Variants in FAM184B observed in about 807,000 individuals in gnomAD.
FAM184B encodes the protein protein FAM184B.
FAM184B carries 111 observed loss-of-function variants against 135.9 expected under a neutral mutation model. The observed-to-expected ratio is 0.82, with a 90% CI of 0.70 to 0.96. The LOEUF is 0.96. Ranked by LOEUF, FAM184B falls within the 40% of genes least tolerant of loss-of-function variation. FAM184B has a pLI of 0.00. For synonymous variants in FAM184B, 552 were observed against 524.8 expected (o/e 1.05, Z -0.71); for missense variants, 1,375 against 1,323.9 (o/e 1.04, Z -0.60).
chr4:17,675,931 A>T (rs1014127431), intron 7 of FAM184B, among the ~76,000 whole-genome samples: 2 of 152,198 alleles, frequency 1.3e-5, no homozygotes, highest in Admixed American at 1.3e-4. Flanking sequence ...TATCTAGACA[A>T]CTAAAACTTT....
intron 1 of FAM184B, among the ~76,000 whole-genome samples, chr4:17,752,597 G>A (rs1014210259): frequency 7.2e-5 from 11 of 152,182 alleles, no homozygotes; most frequent in Non-Finnish European, 5.9e-5. Flanking sequence ...CATGGACCGT[G>A]AGGGCAGAAG....
At chr4:17,676,413 TAATAAG>T (rs1376328409) in intron 7 of FAM184B, among the ~76,000 whole-genome samples, 2 of 152,208 alleles carry the variant, frequency 1.3e-5, no homozygotes, top group African/African-American at 2.4e-5. Context: ...TTATCAGATA[TAATAAG>T]AATAACAAAT....
intron 5 of FAM184B, among the ~76,000 whole-genome samples, chr4:17,701,062 A>C (rs1024204723): frequency 6.6e-6 from 1 of 152,166 alleles, no homozygotes; most frequent in Admixed American, 6.5e-5. Flanking sequence ...TGACAGTGAG[A>C]CTGCTCTCCC....
At chr4:17,742,157 TA>T (rs374629159) in intron 1 of FAM184B, among the ~76,000 whole-genome samples, 39,437 of 105,620 alleles carry the variant, frequency 0.37, 6,095 homozygotes, top group Non-Finnish European at 0.42. Flanking sequence ...TATATATATA[TA>T]TATATATATA....
At chr4:17,755,688 G>A (rs1577290913) in intron 1 of FAM184B, among the ~76,000 whole-genome samples, 1 of 152,290 alleles carries the variant, frequency 6.6e-6, no homozygotes, top group African/African-American at 2.4e-5. Flanking sequence ...ATTGGATAAA[G>A]AAAATGTGGT....
At chr4:17,780,254 A>C (rs1382693336) in intron 1 of FAM184B, among the ~76,000 whole-genome samples, 1 of 152,218 alleles carries the variant, frequency 6.6e-6, no homozygotes, top group African/African-American at 2.4e-5. Context: ...AGCATGTTCC[A>C]GACGCTACAG....
At position 17,753,931 on chromosome 4, in the gene FAM184B, A is replaced by C. The variant is rs73096904; in HGVS notation, c.141+27228T>G. On this transcript the variant is annotated intron_variant, in intron 1 of 17. Coordinates refer to ENST00000265018, the MANE Select transcript of FAM184B (RefSeq NM_015688.2). The stretch of plus-strand genomic sequence containing the variant: ...AAGAGGACTAGTGTATTATAGCCTA[A>C]GGGTAGAATTTATGGTAAGTACAGT... Among the ~76,000 whole-genome samples, 532 of 152,350 alleles carry C rather than the reference A, an allele frequency of 3.5e-3. 3 individuals carry two copies. The highest frequency in any genetic ancestry group is 0.012 in the African/African-American group (494 of 41,578).
intron 1 of FAM184B, among the ~76,000 whole-genome samples, chr4:17,735,374 T>G (rs1372205386): frequency 6.6e-6 from 1 of 151,986 alleles, no homozygotes; most frequent in Non-Finnish European, 1.5e-5. Context: ...AGTTCGATTA[T>G]AAAAAAAATT....
chr4:17,764,839 A>C (rs1013971135), intron 1 of FAM184B, among the ~76,000 whole-genome samples: 2 of 150,272 alleles, frequency 1.3e-5, no homozygotes, highest in Non-Finnish European at 2.9e-5. Context: ...CCAAGGCAGG[A>C]GGATCACTTG....
At chr4:17,689,075 T>G (rs1005507499) in intron 6 of FAM184B, among the ~76,000 whole-genome samples, 37 of 152,182 alleles carry the variant, frequency 2.4e-4, no homozygotes, top group African/African-American at 8.9e-4. Context: ...TTCCACACTT[T>G]CCTTAAATTA....
At position 17,688,450 on chromosome 4, in the gene FAM184B, G is replaced by A; in HGVS notation, c.1570C>T (p.Gln524Ter). The A allele has an allele frequency of 7.1e-6, 11 of 1,550,894 alleles. No homozygotes were observed. Among genetic ancestry groups the A allele is most frequent in the Non-Finnish European group, 8.7e-6 (10 of 1,146,766 alleles). ...TGGGTCTCCAGAATGCTGCAGTGCTGGCGGCCTAATTCCTGGGGACTTTCC... is the reference window on the plus strand; with the variant it reads ...TGGGTCTCCAGAATGCTGCAGTGCTAGCGGCCTAATTCCTGGGGACTTTCC... ...AEESPQELGR[Q>*]HCSILETQDP... The change falls in exon 7 of 18, where the codon CAG becomes TAG. Residue 524 changes from glutamine (Q) to a stop codon, truncating the protein, a stop_gained. Transcript: ENST00000265018. LOFTEE classifies it high-confidence loss of function.
At chr4:17,680,502 G>A (rs1716413157) in intron 7 of FAM184B, among the ~76,000 whole-genome samples, 1 of 152,026 alleles carries the variant, frequency 6.6e-6, no homozygotes, top group Admixed American at 6.6e-5. Context: ...CAAAAACATT[G>A]TCCATGTCTC....
intron 11 of FAM184B, among the ~76,000 whole-genome samples, chr4:17,649,901 C>A (rs1715566401): frequency 7.3e-6 from 1 of 136,232 alleles, no homozygotes; most frequent in Non-Finnish European, 1.6e-5. Context: ...TCTGTCTACC[C>A]ATCTGTCCAT....
chr4:17,746,582 A>C (rs1718170863), intron 1 of FAM184B, among the ~76,000 whole-genome samples: 1 of 150,450 alleles, frequency 6.6e-6, no homozygotes, highest in Non-Finnish European at 1.5e-5. Flanking sequence ...AATACAAAAA[A>C]TTAGCCAGCC....
At chr4:17,681,647 G>A (rs926923854) in intron 7 of FAM184B, among the ~76,000 whole-genome samples, 13 of 152,150 alleles carry the variant, frequency 8.5e-5, no homozygotes, top group African/African-American at 1.9e-4. Context: ...AATATGGCAC[G>A]GGGTGACTCT....
intron 10 of FAM184B, among the ~76,000 whole-genome samples, chr4:17,653,660 T>TA (rs1310809250): frequency 6.6e-5 from 10 of 152,054 alleles, no homozygotes; most frequent in Non-Finnish European, 1.2e-4. Context: ...TAAACTTTAA[T>TA]AAGTGTCTCT....
At chr4:17,651,799 A>G (rs960883345) in intron 11 of FAM184B, among the ~76,000 whole-genome samples, 2 of 152,106 alleles carry the variant, frequency 1.3e-5, no homozygotes, top group Non-Finnish European at 2.9e-5. Context: ...TGGGCTTCAC[A>G]CCCAGGCAGT....
intron 1 of FAM184B, among the ~76,000 whole-genome samples, chr4:17,731,869 C>T (rs1335106473): frequency 1.3e-5 from 2 of 152,158 alleles, no homozygotes; most frequent in South Asian, 2.1e-4. Context: ...CACCCCAAAT[C>T]AACAGAATAT....
In FAM184B at chr4:17,638,865, CTTGCTCTG is replaced by C. The variant is rs531022214; in HGVS notation, c.2666+377_2666+384del. 4.4e-3 allele frequency among the ~76,000 whole-genome samples: 673 copies of C among 152,306 alleles called. 4 individuals are homozygous for C. The highest frequency in any genetic ancestry group is 0.016 in the African/African-American group (656 of 41,570). On this transcript the variant is annotated intron_variant, in intron 14 of 17. Coordinates refer to ENST00000265018, the MANE Select transcript of FAM184B (RefSeq NM_015688.2). Reference sequence around the variant, plus strand: ...ACCACACCCCGCCTCCTGCCCTGAACTTGCTCTGTTGCTGAAGCTGGAGTGCAGGGTCC... The same window carrying C: ...ACCACACCCCGCCTCCTGCCCTGAACTTGCTGAAGCTGGAGTGCAGGGTCC...
Sources: allele counts gnomAD v4.1 joint callset (sites outside exome capture counted in the v4.1 genomes callset), GRCh38; gene constraint gnomAD v4.1.1; transcripts MANE v1.5; gene names NCBI Gene and HGNC (gene_info 2026-07-23, HGNC 2026-07-21).